Variants in SMAD3 observed in about 807,000 individuals in gnomAD.
SMAD3 encodes MAD homolog 3.
A neutral mutation model predicts 51.8 loss-of-function variants in SMAD3; 12 were observed. That is an observed-to-expected ratio of 0.23 (90% confidence interval 0.15 to 0.38). The LOEUF (loss-of-function observed/expected upper bound fraction) is 0.38. Ranked by LOEUF, SMAD3 falls within the 10% of genes least tolerant of loss-of-function variation. The probability of loss-of-function intolerance (pLI) is 1.00; values close to 1 mark genes in which losing one functional copy is unlikely to be tolerated. For missense variants in SMAD3, 294 were observed against 565.6 expected (o/e 0.52, Z 4.87); for synonymous variants, 238 against 227.7 (o/e 1.05, Z -0.41).
intron 1 of SMAD3, among the ~76,000 whole-genome samples, chr15:67,107,491 C>G (rs1235878729): frequency 6.6e-6 from 1 of 151,838 alleles, no homozygotes; most frequent in East Asian, 1.9e-4. Context: ...CCTCCTGATG[C>G]AGTCTGTGGT....
At chr15:67,155,000 A>G (rs998687836) in intron 1 of SMAD3, among the ~76,000 whole-genome samples, 3 of 152,228 alleles carry the variant, frequency 2.0e-5, no homozygotes, top group Admixed American at 6.5e-5. Flanking sequence ...GAAAGAGGCA[A>G]TTGTGAGGAC....
At chr15:67,094,868 C>G (rs1344514919) in intron 1 of SMAD3, among the ~76,000 whole-genome samples, 1 of 152,178 alleles carries the variant, frequency 6.6e-6, no homozygotes, top group Non-Finnish European at 1.5e-5. Flanking sequence ...TTAACCCAGT[C>G]TCTGGGCGGA....
At chr15:67,141,015 A>C (rs1961804955) in intron 1 of SMAD3, among the ~76,000 whole-genome samples, 1 of 152,170 alleles carries the variant, frequency 6.6e-6, no homozygotes, top group African/African-American at 2.4e-5. Context: ...ACCATTTAAA[A>C]ATTTTAAAAA....
intron 1 of SMAD3, among the ~76,000 whole-genome samples, chr15:67,151,601 G>A (rs775827203): frequency 1.3e-5 from 2 of 152,160 alleles, no homozygotes; most frequent in Non-Finnish European, 2.9e-5. Context: ...AAAGTGCTGG[G>A]ATTACAAGCA....
chr15:67,164,056 A>G (rs1962504689), intron 1 of SMAD3, among the ~76,000 whole-genome samples: 1 of 152,094 alleles, frequency 6.6e-6, no homozygotes. Flanking sequence ...TCACGCCTGA[A>G]ATCCCAGCAC....
rs2140188911 is a variant in SMAD3 at position 67,066,255 on chromosome 15, C to T, written c.101C>T (p.Ala34Val). The T allele has an allele frequency of 6.2e-7, 1 of 1,613,642 alleles. No homozygotes were observed. Among genetic ancestry groups the T allele is most frequent in the Non-Finnish European group, 8.5e-7 (1 of 1,179,820 alleles). The part of the protein sequence containing the change: ...NGQEEKWCEK[A>V]VKSLVKKLKK... The stretch of plus-strand genomic sequence containing the variant: ...CAGGAGGAGAAATGGTGCGAGAAGG[C>T]GGTCAAGAGCCTGGTCAAGAAACTC... Residue 34 changes from alanine to valine, a missense_variant, in exon 1 of 9, where the codon GCG becomes GTG. Ala to Val is a moderately conservative substitution (Grantham distance 64, BLOSUM62 0). This residue lies in a region of SMAD3 where 147 missense variants were observed against 260.9 expected (regional missense o/e 0.56). Transcript: ENST00000327367.
Position 67,140,082 on chromosome 15 carries a change from A to T in SMAD3, c.207-24813A>T, listed in dbSNP as rs550987296. On this transcript the variant is annotated intron_variant, in intron 1 of 8. Coordinates refer to ENST00000327367, the MANE Select transcript of SMAD3 (RefSeq NM_005902.4). ...GGTTGCAGTAAACCGAGATGGCACC[A>T]TTGCATCCTAGCCTGGGCAACAAGA... is the stretch of plus-strand genomic sequence containing the variant. Among the ~76,000 whole-genome samples the T allele has an allele frequency of 2.6e-3, 395 of 151,920 alleles. 2 individuals are homozygous for T. The highest frequency in any genetic ancestry group is 8.4e-3 in the African/African-American group (348 of 41,428).
intron 1 of SMAD3, among the ~76,000 whole-genome samples, chr15:67,093,508 G>A (rs866662938): frequency 2.0e-5 from 3 of 152,202 alleles, no homozygotes; most frequent in South Asian, 2.1e-4. Context: ...AGCTAGGGTC[G>A]TCTGTGCACT....
chr15:67,114,468 C>T (rs1412624641), intron 1 of SMAD3, among the ~76,000 whole-genome samples: 7 of 152,310 alleles, frequency 4.6e-5, no homozygotes, highest in African/African-American at 9.6e-5. Flanking sequence ...TGGACCTCTT[C>T]GTCCCACACC....
At chr15:67,102,267 T>TGTGTGTGTGTGC (rs781214785) in intron 1 of SMAD3, among the ~76,000 whole-genome samples, 2 of 131,962 alleles carry the variant, frequency 1.5e-5, no homozygotes, top group Admixed American at 7.6e-5. Flanking sequence ...TGTGTGTGTG[T>TGTGTGTGTGTGC]GCGGTGTGTG....
At chr15:67,142,249 C>CT (rs952887593) in intron 1 of SMAD3, among the ~76,000 whole-genome samples, 1 of 140,472 alleles carries the variant, frequency 7.1e-6, no homozygotes, top group African/African-American at 2.7e-5. Context: ...TGTTTAATAG[C>CT]TAGGTTTTTT....
intron 1 of SMAD3, among the ~76,000 whole-genome samples, chr15:67,135,754 G>A (rs891868501): frequency 1.3e-5 from 2 of 152,174 alleles, no homozygotes; most frequent in Non-Finnish European, 2.9e-5. Flanking sequence ...GCCTTGGCCT[G>A]TTGGTGGTGG....
At chr15:67,182,631 T>C (rs926046082) in intron 6 of SMAD3, among the ~76,000 whole-genome samples, 1 of 151,934 alleles carries the variant, frequency 6.6e-6, no homozygotes, top group Non-Finnish European at 1.5e-5. Flanking sequence ...GAAGAAAAGT[T>C]TGGAGGCCAT....
At chr15:67,158,181 A>G (rs576718301) in intron 1 of SMAD3, among the ~76,000 whole-genome samples, 1 of 152,248 alleles carries the variant, frequency 6.6e-6, no homozygotes, top group East Asian at 1.9e-4. Context: ...TATTTATTGG[A>G]TTTACTTAAT....
At position 67,165,393 on chromosome 15, in the gene SMAD3, G is replaced by A. The variant is rs774868030; in HGVS notation, c.532+9G>A. ...CCAGAGCAATATTCCAGGTAGGCACGTGGGCGGCACAGGCTGGCCTGGGAG... is the reference window on the plus strand; with the variant it reads ...CCAGAGCAATATTCCAGGTAGGCACATGGGCGGCACAGGCTGGCCTGGGAG... On this transcript the variant is annotated intron_variant, in intron 3 of 8. Coordinates refer to ENST00000327367, the MANE Select transcript of SMAD3 (RefSeq NM_005902.4). 29 of 1,613,768 alleles carry A rather than the reference G, an allele frequency of 1.8e-5. No individual in the cohort carries two copies. The East Asian group carries it at 4.5e-4, about 25-fold the overall frequency.
Position 67,104,142 on chromosome 15 carries a change from C to T in SMAD3, c.206+37782C>T, listed in dbSNP as rs556181048. Among the ~76,000 whole-genome samples the T allele has an allele frequency of 2.6e-5, 4 of 152,220 alleles. No individual in the cohort carries two copies. The South Asian group carries it at 6.2e-4, about 24-fold the overall frequency. On this transcript the variant is annotated intron_variant, in intron 1 of 8. Coordinates refer to ENST00000327367, the MANE Select transcript of SMAD3 (RefSeq NM_005902.4). Reference sequence around the variant, plus strand: ...GGATTTCAGGATTTTCGTCTGCCCCCCATCTCCGCCCCCAACTTTTGACAA... The same window carrying T: ...GGATTTCAGGATTTTCGTCTGCCCCTCATCTCCGCCCCCAACTTTTGACAA...
At chr15:67,120,600 C>G (rs1961236570) in intron 1 of SMAD3, among the ~76,000 whole-genome samples, 1 of 152,168 alleles carries the variant, frequency 6.6e-6, no homozygotes, top group South Asian at 2.1e-4. Flanking sequence ...AGGGCAGAGG[C>G]ACTGTGCAAT....
rs1963419410 is a variant in SMAD3, at chr15:67,193,510, T to G, written c.*2974T>G. ...ATACGTAGGTAGCTACCCCAGCCGG[T>G]TTGGATTACAGGCCTGTGCTGGAAC... On this transcript the variant is annotated 3_prime_UTR_variant, in exon 9 of 9. Coordinates refer to ENST00000327367, the MANE Select transcript of SMAD3 (RefSeq NM_005902.4). 3 of 233,624 alleles carry G rather than the reference T, an allele frequency of 1.3e-5. No homozygotes were observed. The highest frequency in any genetic ancestry group is 1.2e-3 in the Middle Eastern group (1 of 808). 14.5% of individuals were successfully genotyped at this position (233,624 alleles called of 1,614,324 possible).
At chr15:67,122,125 T>C (rs1293401916) in intron 1 of SMAD3, among the ~76,000 whole-genome samples, 1 of 152,216 alleles carries the variant, frequency 6.6e-6, no homozygotes, top group Non-Finnish European at 1.5e-5. Context: ...GGTCCGGACA[T>C]ATGTCCCCAT....
Sources: gnomAD v4.1 joint callset for allele counts (sites outside exome capture counted in the v4.1 genomes callset) on GRCh38, gnomAD v4.1.1 for gene constraint, gnomAD v4.1.1 regional missense constraint, MANE v1.5 for transcripts, NCBI Gene and HGNC (gene_info 2026-07-23, HGNC 2026-07-21) for gene names.